Variants in STAU2 observed in about 807,000 individuals in gnomAD.
STAU2 encodes the protein staufen double-stranded RNA binding protein 2, also known as double-stranded RNA-binding protein Staufen homolog 2.
Under a neutral mutation model 65.9 loss-of-function variants are expected in STAU2, and 20 were observed. That is an observed-to-expected ratio of 0.30 (90% CI 0.21 to 0.44). The LOEUF (loss-of-function observed/expected upper bound fraction) is 0.44, where lower values mean the gene tolerates loss of function less well. Among genes scored for constraint, STAU2 ranks in the 20% least tolerant of loss-of-function variants. The probability of loss-of-function intolerance (pLI) is 1.00; values close to 1 mark genes in which losing one functional copy is unlikely to be tolerated. For missense variants in STAU2, 558 were observed against 683.9 expected, an observed-to-expected ratio of 0.82 and a Z score of 2.05; for synonymous variants, 232 against 233.9, an observed-to-expected ratio of 0.99 and a Z score of 0.07.
chr8:73,498,804 T>C (rs1197224105), intron 13 of STAU2, among the ~76,000 whole-genome samples: 1 of 151,814 alleles, frequency 6.6e-6, no homozygotes, highest in East Asian at 1.9e-4. Flanking sequence ...CCATGAGACA[T>C]AAACATTGAG....
intron 12 of STAU2, among the ~76,000 whole-genome samples, chr8:73,582,349 T>C (rs1401412783): frequency 6.6e-6 from 1 of 151,566 alleles, no homozygotes; most frequent in Middle Eastern, 3.2e-3. Flanking sequence ...TAAAAATTTG[T>C]GTGCATAAAA....
intron 13 of STAU2, among the ~76,000 whole-genome samples, chr8:73,518,305 TG>T (rs1384262262): frequency 6.6e-6 from 1 of 152,202 alleles, no homozygotes; most frequent in Non-Finnish European, 1.5e-5. Flanking sequence ...TGAATAACCA[TG>T]TTTAAGGCAA....
intron 5 of STAU2, among the ~76,000 whole-genome samples, chr8:73,678,369 AT>A (rs58420493): frequency 0.073 from 11,016 of 150,742 alleles, 438 homozygotes; most frequent in Middle Eastern, 0.14. Context: ...CATCTATAAA[AT>A]TTTTTTTTTA....
intron 13 of STAU2, chr8:73,549,509 T>C (rs966553084): frequency 5.1e-6 from 2 of 394,902 alleles, no homozygotes; most frequent in South Asian, 1.1e-4. Context: ...TGAGCTTGGA[T>C]ACCTACATTC....
At chr8:73,578,538 A>G (rs1809745651) in intron 12 of STAU2, among the ~76,000 whole-genome samples, 1 of 152,222 alleles carries the variant, frequency 6.6e-6, no homozygotes, top group Non-Finnish European at 1.5e-5. Context: ...TCCTGTGTTC[A>G]GAGGAGAAGC....
intron 4 of STAU2, among the ~76,000 whole-genome samples, chr8:73,698,351 C>T (rs1819827012): frequency 6.6e-6 from 1 of 152,050 alleles, no homozygotes; most frequent in South Asian, 2.1e-4. Flanking sequence ...ATTCCCCAGT[C>T]AAAAGACATA....
chr8:73,743,297 T>C (rs912546042), intron 1 of STAU2, among the ~76,000 whole-genome samples: 4 of 152,068 alleles, frequency 2.6e-5, no homozygotes, highest in Non-Finnish European at 4.4e-5. Context: ...CATTTTTACA[T>C]CAACTCATTT....
intron 13 of STAU2, among the ~76,000 whole-genome samples, chr8:73,426,602 G>T (rs901235689): frequency 6.6e-6 from 1 of 151,962 alleles, no homozygotes; most frequent in East Asian, 1.9e-4. Flanking sequence ...CTTCACATTC[G>T]CCCAGTTTCA....
intron 13 of STAU2, among the ~76,000 whole-genome samples, chr8:73,490,607 G>C (rs1821110225): frequency 1.3e-5 from 2 of 151,990 alleles, no homozygotes; most frequent in South Asian, 4.1e-4. Flanking sequence ...AGGAATAAAA[G>C]ATTCCAGCTC....
chr8:73,485,587 A>C (rs762388078), intron 13 of STAU2, among the ~76,000 whole-genome samples: 2 of 152,100 alleles, frequency 1.3e-5, no homozygotes, highest in Non-Finnish European at 2.9e-5. Context: ...TCGGTAGCTC[A>C]GACCCGTAAT....
At chr8:73,595,108 T>C in intron 11 of STAU2, 58 bp downstream of exon 11, 1 of 1,385,292 alleles carries the variant, frequency 7.2e-7, no homozygotes, top group Non-Finnish European at 9.6e-7. Flanking sequence ...GATCAAAATT[T>C]ATTAATCACT....
At chr8:73,431,697 G>A (rs11997512) in intron 13 of STAU2, among the ~76,000 whole-genome samples, 48,987 of 152,134 alleles carry the variant, frequency 0.32, 9,119 homozygotes, top group East Asian at 0.52. Context: ...GGAGAAACAT[G>A]ATGCCAATAA....
At position 73,619,948 on chromosome 8, in the gene STAU2, C is replaced by T. The variant is rs6994831; in HGVS notation, c.411-2497G>A. ...ACAGTTTTCTATTAATTTAAGATAA[C>T]GCATTTTAAATGTTTTTATTATAAA... On this transcript the variant is annotated intron_variant, in intron 6 of 14. Coordinates refer to ENST00000524300, the MANE Select transcript of STAU2 (RefSeq NM_001164380.2). Among the ~76,000 whole-genome samples the T allele has an allele frequency of 4.5e-3, 690 of 152,034 alleles. 7 individuals are homozygous for T. The highest frequency in any genetic ancestry group is 0.014 in the African/African-American group (598 of 41,456).
chr8:73,560,504 T>C (rs1343611310), intron 12 of STAU2, among the ~76,000 whole-genome samples: 1 of 152,196 alleles, frequency 6.6e-6, no homozygotes, highest in East Asian at 1.9e-4. Context: ...TATTGGTCCT[T>C]TTTTTCCTGC....
chr8:73,628,080 G>T (rs1482006059), intron 6 of STAU2, among the ~76,000 whole-genome samples: 4 of 147,196 alleles, frequency 2.7e-5, no homozygotes, highest in Admixed American at 6.8e-5. Flanking sequence ...TAAAATGTAA[G>T]TTTTTTTTTT....
intron 9 of STAU2, among the ~76,000 whole-genome samples, chr8:73,611,820 T>G (rs888044636): frequency 1.5e-4 from 23 of 152,000 alleles, no homozygotes; most frequent in Non-Finnish European, 3.1e-4. Flanking sequence ...TAGCTGGGAT[T>G]AGAGACGCAT....
chr8:73,505,745 T>C (rs1469871222), intron 13 of STAU2, among the ~76,000 whole-genome samples: 2 of 152,122 alleles, frequency 1.3e-5, no homozygotes, highest in African/African-American at 4.8e-5. Flanking sequence ...AAAGTTCTTC[T>C]GATACGGTGT....
At chr8:73,548,416 A>G (rs1283278999) in intron 13 of STAU2, among the ~76,000 whole-genome samples, 3 of 152,128 alleles carry the variant, frequency 2.0e-5, no homozygotes, top group African/African-American at 7.2e-5. Flanking sequence ...CCCCATCCCA[A>G]TATAACCTAT....
intron 5 of STAU2, among the ~76,000 whole-genome samples, chr8:73,675,019 A>G (rs961917824): frequency 6.6e-6 from 1 of 151,958 alleles, no homozygotes; most frequent in African/African-American, 2.4e-5. Context: ...CACATGGAAC[A>G]TATTCCAAGA....
Sources: gnomAD v4.1 joint callset for allele counts (sites outside exome capture counted in the v4.1 genomes callset) on GRCh38, gnomAD v4.1.1 for gene constraint, MANE v1.5 for transcripts, NCBI Gene and HGNC (gene_info 2026-07-23, HGNC 2026-07-21) for gene names.